CES1: variants seen among roughly 807,000 people sequenced by gnomAD.
CES1 encodes the protein carboxylesterase 1.
Under a neutral mutation model 53.0 loss-of-function variants are expected in CES1, and 50 were observed. That is an observed-to-expected ratio of 0.94 (90% CI 0.75 to 1.19). The LOEUF (loss-of-function observed/expected upper bound fraction) is 1.19, where lower values mean the gene tolerates loss of function less well. CES1 is among the 50% of genes most tolerant of loss of function. The pLI is 0.00. For synonymous variants in CES1, 202 were observed against 210.1 expected, an observed-to-expected ratio of 0.96 and a Z score of 0.33; for missense variants, 534 against 538.0, an observed-to-expected ratio of 0.99 and a Z score of 0.07.
At chr16:55,831,467 G>A (rs1222522625) in intron 1 of CES1, among the ~76,000 whole-genome samples, 1 of 151,190 alleles carries the variant, frequency 6.6e-6, no homozygotes, top group Admixed American at 6.6e-5. Flanking sequence ...AGTTGCTGCT[G>A]ATGTTATATG....
At chr16:55,817,668 A>C (rs1387738399) in intron 7 of CES1, among the ~76,000 whole-genome samples, 1 of 150,598 alleles carries the variant, frequency 6.6e-6, no homozygotes, top group Non-Finnish European at 1.5e-5. Flanking sequence ...GTGTGTGTGT[A>C]TGAGTGTGTC....
chr16:55,828,987 A>G lies in CES1; in HGVS notation c.53-13T>C, dbSNP rs774407042. 17 of 1,593,404 alleles carry G rather than the reference A, an allele frequency of 1.1e-5. No individual in the cohort carries two copies. In the East Asian group the frequency reaches 3.8e-4, roughly 36 times the overall value. ...GACGGATGCCCTGCTGGACATGGAGAATAAATCAGGATGCATCAGAGGCAA... is the reference window on the plus strand; with the variant it reads ...GACGGATGCCCTGCTGGACATGGAGGATAAATCAGGATGCATCAGAGGCAA... On this transcript the variant is annotated splice_polypyrimidine_tract_variant and intron_variant, in intron 1 of 13. Transcript: ENST00000360526.
rs1196473942 is a variant in CES1 at position 55,821,447 on chromosome 16, T to C, written c.614A>G (p.Asn205Ser). 1.2e-6 allele frequency: 2 copies of C among 1,614,190 alleles called. No individual in the cohort carries two copies. The highest frequency in any genetic ancestry group is 2.2e-5 in the South Asian group (2 of 91,080). The change falls in exon 5 of 14, where the codon AAC becomes AGC. Residue 205 changes from asparagine (N) to serine (S), a missense_variant. This residue lies in a region of CES1 where 85 missense variants were observed against 81.9 expected (regional missense o/e 1.04). Transcript: ENST00000360526. ...QVAALRWVQDNIASFGGNPGS... is the reference protein window; with the variant it reads ...QVAALRWVQDSIASFGGNPGS... Reference sequence around the variant, plus strand: ...TGGGTTCCCTCCAAAGCTGGCAATGTTGTCCTGGACCCAGCGCAGGGCAGC... The same window carrying C: ...TGGGTTCCCTCCAAAGCTGGCAATGCTGTCCTGGACCCAGCGCAGGGCAGC...
rs571865256 is a variant in CES1 at position 55,812,905 on chromosome 16, T to C, written c.1084A>G (p.Met362Val). 4 of 1,614,118 alleles carry C rather than the reference T, an allele frequency of 2.5e-6. No individual in the cohort carries two copies. The highest frequency in any genetic ancestry group is 1.3e-5 in the African/African-American group (1 of 75,020). ...CCAACAGACATGTGCCTTCTCACCA[T>C]TGGAATCAACCAGCCAAACTCCTGC... ...NKQEFGWLIP[M>V]QLMSYPLSEG... The change falls in exon 9 of 14, where the codon ATG (methionine) becomes GTG (valine). Residue 362 changes from methionine (M) to valine (V), a missense_variant and splice_region_variant. Met to Val is a conservative substitution (Grantham distance 21). This residue lies in a region of CES1 where 269 missense variants were observed against 206.6 expected (regional missense o/e 1.30). Coordinates refer to ENST00000360526, the MANE Select transcript of CES1 (RefSeq NM_001025195.2).
At chr16:55,811,366 T>C (rs1443235568) in intron 9 of CES1, among the ~76,000 whole-genome samples, 1 of 152,024 alleles carries the variant, frequency 6.6e-6, no homozygotes, top group Non-Finnish European at 1.5e-5. Context: ...CAGTGTGGAA[T>C]AGAGGGCTCT....
In CES1 at chr16:55,814,754, G is replaced by A. The variant is rs550987096; in HGVS notation, c.946-1711C>T. On this transcript the variant is annotated intron_variant, in intron 8 of 13. Coordinates refer to ENST00000360526, the MANE Select transcript of CES1 (RefSeq NM_001025195.2). ...AGCCTTTGAGACCCTATGGCTTCTGGGACCTTTGGTCTGCTCTACAAAAGC... is the reference window on the plus strand; with the variant it reads ...AGCCTTTGAGACCCTATGGCTTCTGAGACCTTTGGTCTGCTCTACAAAAGC... 1.3e-3 allele frequency among the ~76,000 whole-genome samples: 195 copies of A among 152,328 alleles called. 1 individual carries two copies. The highest frequency in any genetic ancestry group is 4.4e-3 in the African/African-American group (181 of 41,564).
At chr16:55,824,348 A>G (rs1349011317) in intron 3 of CES1, among the ~76,000 whole-genome samples, 4 of 152,298 alleles carry the variant, frequency 2.6e-5, no homozygotes, top group Non-Finnish European at 5.9e-5. Flanking sequence ...TTCCTCATGC[A>G]TGATTCTTGC....
chr16:55,817,713 T>C (rs2032002924), intron 7 of CES1, among the ~76,000 whole-genome samples: 1 of 151,844 alleles, frequency 6.6e-6, no homozygotes, highest in Admixed American at 6.6e-5. Context: ...TGTCTGTGTG[T>C]GTCTCTGTGT....
chr16:55,831,620 T>C (rs1224092140), intron 1 of CES1, among the ~76,000 whole-genome samples: 2 of 150,208 alleles, frequency 1.3e-5, no homozygotes, highest in East Asian at 1.9e-4. Flanking sequence ...GCAGCCTGTA[T>C]GGTCTTCCTA....
chr16:55,833,086 G>A lies in CES1; in HGVS notation c.-31C>T, dbSNP rs776218734. On this transcript the variant is annotated 5_prime_UTR_variant, in exon 1 of 14. Transcript: ENST00000360526. ...AAGGGCGACAGTTCTCGGGGCCTGC[G>A]AGGTCTCTGTGCAGTTCAGAGGGAC... 5.8e-6 allele frequency: 9 copies of A among 1,540,728 alleles called. 2 individuals carry two copies. The East Asian group carries it at 1.6e-4, about 28-fold the overall frequency.
intron 9 of CES1, 23 bp downstream of exon 9, chr16:55,812,880 C>G (rs750953293): frequency 6.2e-7 from 1 of 1,613,548 alleles, no homozygotes; most frequent in African/African-American, 1.3e-5. Flanking sequence ...TTGAGTCCCT[C>G]CAACAGACAT....
intron 8 of CES1, among the ~76,000 whole-genome samples, chr16:55,814,218 T>A (rs1198678134): frequency 6.6e-6 from 1 of 152,248 alleles, no homozygotes; most frequent in Non-Finnish European, 1.5e-5. Flanking sequence ...GAATCAGTGA[T>A]TAACTCACAG....
At chr16:55,829,436 T>A (rs1187506795) in intron 1 of CES1, among the ~76,000 whole-genome samples, 1 of 152,218 alleles carries the variant, frequency 6.6e-6, no homozygotes, top group South Asian at 2.1e-4. Flanking sequence ...GAGGTACCCA[T>A]AAGGCAGTCT....
intron 5 of CES1, 54 bp from the exon 6 acceptor site, chr16:55,820,533 C>T: frequency 8.1e-6 from 13 of 1,610,468 alleles, no homozygotes; most frequent in Non-Finnish European, 1.1e-5. Context: ...GGGTCAGTGA[C>T]TCACTCGCTA....
rs773681576 is a variant in CES1 at position 55,826,276 on chromosome 16, C to T, written c.280G>A (p.Ala94Thr). ...YPPMCTQDPK[A>T]GQLLSELFTN... ...AATAGCTCTGAGAGTAACTGCCCCG[C>T]CTTGGGATCTTGGGTGCACCTGGGG... The change falls in exon 3 of 14, where the codon GCG becomes ACG. Residue 94 changes from alanine to threonine, a missense_variant. By Grantham distance (58) the Ala-to-Thr change is moderately conservative. Around this residue, in one of 5 missense-constraint regions of CES1, gnomAD observed 164 missense variants for 162.4 expected, o/e 1.01. Transcript: ENST00000360526. The T allele has an allele frequency of 6.2e-7, 1 of 1,613,992 alleles. No homozygotes were observed. Among genetic ancestry groups the T allele is most frequent in the Non-Finnish European group, 8.5e-7 (1 of 1,179,868 alleles).
At position 55,813,027 on chromosome 16, in the gene CES1, C is replaced by T. The variant is rs749290294; in HGVS notation, c.962G>A (p.Gly321Asp). 3.1e-6 allele frequency: 5 copies of T among 1,613,832 alleles called. No homozygotes were observed. The highest frequency in any genetic ancestry group is 1.7e-5 in the Admixed American group (1 of 59,990). The stretch of plus-strand genomic sequence containing the variant: ...CAGCAGCATCCCATCAATCACAGTG[C>T]CCAGAAGGGGTTGACTCTGGGGAGA... ...GDPRESQPLL[G>D]TVIDGMLLLK... The change falls in exon 9 of 14, where the codon GGC (glycine) becomes GAC (aspartate). Residue 321 changes from glycine to aspartate, a missense_variant. Gly to Asp is a moderately conservative substitution (Grantham distance 94). Around this residue, in one of 5 missense-constraint regions of CES1, gnomAD observed 269 missense variants for 206.6 expected, o/e 1.30. Transcript: ENST00000360526.
intron 2 of CES1, chr16:55,827,781 G>T (rs779171319): frequency 8.5e-5 from 13 of 152,156 alleles, no homozygotes; most frequent in Non-Finnish European, 1.5e-4. Flanking sequence ...AATGAGCAAA[G>T]CAGGCATCCA....
intron 5 of CES1, 63 bp from the exon 6 acceptor site, chr16:55,820,542 T>C (rs1370919081): frequency 1.2e-6 from 2 of 1,606,698 alleles, no homozygotes; most frequent in Non-Finnish European, 1.7e-6. Context: ...ACTCACTCGC[T>C]ATTCCAGGCT....
chr16:55,818,120 C>A (rs548393770), intron 7 of CES1, among the ~76,000 whole-genome samples: 12 of 152,294 alleles, frequency 7.9e-5, no homozygotes, highest in African/African-American at 2.9e-4. Context: ...CCAGGAGTAG[C>A]CTCAGGTCCA....
Sources: gnomAD v4.1 joint callset for allele counts (sites outside exome capture counted in the v4.1 genomes callset) on GRCh38, gnomAD v4.1.1 for gene constraint, gnomAD v4.1.1 regional missense constraint, MANE v1.5 for transcripts, NCBI Gene and HGNC (gene_info 2026-07-23, HGNC 2026-07-21) for gene names.